Variants in VPS13C observed in about 807,000 individuals in gnomAD.
VPS13C encodes intermembrane lipid transfer protein VPS13C.
Under a neutral mutation model 456.8 loss-of-function variants are expected in VPS13C, and 358 were observed. The ratio of observed to expected loss-of-function variants is 0.78; its 90% CI spans 0.72 to 0.86. The LOEUF (loss-of-function observed/expected upper bound fraction) is 0.86. Among genes scored for constraint, VPS13C ranks in the 40% least tolerant of loss-of-function variants. VPS13C has a pLI of 0.00. For missense variants in VPS13C, 4,818 were observed against 4,385.4 expected (o/e 1.10, Z -2.79); for synonymous variants, 1,578 against 1,486.7 (o/e 1.06, Z -1.41).
rs2044818705 is a variant in VPS13C, at chr15:61,952,080, TTC to T, written c.4300-102_4300-101del. 7 of 1,380,082 alleles carry T rather than the reference TTC, an allele frequency of 5.1e-6. No homozygotes were observed. The South Asian group carries it at 8.6e-5, about 17-fold the overall frequency. The allele number at this position is 1,380,082 out of a possible 1,614,324, so 85.5% of individuals were successfully genotyped here. A position where few individuals can be genotyped will look rare whatever the true frequency, so the allele number is the denominator to read the frequency against. ...TATCCAGAGTGATATAAGGAAGAAATTCACACAATGTTAAGATGTGTACTTCT... is the reference window on the plus strand; with the variant it reads ...TATCCAGAGTGATATAAGGAAGAAATACACAATGTTAAGATGTGTACTTCT... On this transcript the variant is annotated intron_variant, in intron 38 of 84. Coordinates refer to ENST00000644861, the MANE Select transcript of VPS13C (RefSeq NM_020821.3).
At chr15:61,854,818 T>TA in intron 84 of VPS13C, 53 bp downstream of exon 84, 1 of 1,502,578 alleles carries the variant, frequency 6.7e-7, no homozygotes, top group East Asian at 2.3e-5. Context: ...AAGAGGCTTT[T>TA]AAAAAAGTAT....
At chr15:62,046,941 T>G (rs2048423597) in intron 1 of VPS13C, among the ~76,000 whole-genome samples, 1 of 152,172 alleles carries the variant, frequency 6.6e-6, no homozygotes, top group Admixed American at 6.5e-5. Context: ...GCTTTTTTAT[T>G]GATGTTTTTC....
intron 69 of VPS13C, among the ~76,000 whole-genome samples, chr15:61,882,368 A>C (rs1279505349): frequency 6.6e-6 from 1 of 152,150 alleles, no homozygotes; most frequent in East Asian, 1.9e-4. Flanking sequence ...TAACAATCTC[A>C]GTGCAAGAAA....
chr15:62,004,715 G>A lies in VPS13C; in HGVS notation c.1290+2593C>T, dbSNP rs576113565. Among the ~76,000 whole-genome samples the A allele has an allele frequency of 7.4e-3, 1,115 of 151,310 alleles. 16 individuals are homozygous for A. Among genetic ancestry groups the A allele is most frequent in the African/African-American group, 0.026 (1,065 of 41,098 alleles). ...GAATGTGTCCCAGAGATTCTGGTAT[G>A]TTGTGTCTTTGTTCTCGTTGGTTTC... On this transcript the variant is annotated intron_variant, in intron 15 of 84. Coordinates refer to ENST00000644861, the MANE Select transcript of VPS13C (RefSeq NM_020821.3).
Position 61,925,543 on chromosome 15 carries a change from C to G in VPS13C, c.6522G>C (p.Leu2174Phe), listed in dbSNP as rs754132978. Residue 2174 changes from leucine to phenylalanine, a missense_variant, in exon 53 of 85, where the codon TTG becomes TTC. By Grantham distance (22) the Leu-to-Phe change is conservative. This residue lies in a region of VPS13C where 4,552 missense variants were observed against 4,130.6 expected (regional missense o/e 1.10). Transcript: ENST00000644861. The stretch of plus-strand genomic sequence containing the variant: ...TTTCCATAAATAAAGAACAGGGCTG[C>G]AAGACCTATAAACAGATAAATGAAA... ...EKRGKNITTV[L>F]QPCSLFMEKC... 3.8e-6 allele frequency: 6 copies of G among 1,596,468 alleles called. No individual in the cohort carries two copies. Among genetic ancestry groups the G allele is most frequent in the Admixed American group, 1.7e-5 (1 of 57,394 alleles).
At chr15:61,925,684 A>G (rs1270219731) in intron 52 of VPS13C, 136 bp from the exon 53 acceptor site, 1 of 496,526 alleles carries the variant, frequency 2.0e-6, no homozygotes, top group East Asian at 3.6e-5. Context: ...AAAAGCAAAA[A>G]TAAATTAGCT....
chr15:61,934,450 T>C lies in VPS13C; in HGVS notation c.5756-119A>G, dbSNP rs369111525. 7 of 498,350 alleles carry C rather than the reference T, an allele frequency of 1.4e-5. No homozygotes were observed. In the South Asian group the frequency reaches 2.0e-4, roughly 14 times the overall value. The allele number at this position is 498,350 out of a possible 1,614,324, so 30.9% of individuals were successfully genotyped here. The stretch of plus-strand genomic sequence containing the variant: ...GCTTTCTGGGATTCTGTAAATCATA[T>C]TGAGACAATTAATAAAAATGGCAAT... On this transcript the variant is annotated intron_variant, in intron 48 of 84. Coordinates refer to ENST00000644861, the MANE Select transcript of VPS13C (RefSeq NM_020821.3).
In VPS13C at chr15:61,983,957, C is replaced by T. The variant is rs1596421622; in HGVS notation, c.1777G>A (p.Val593Met). Residue 593 changes from valine to methionine, a missense_variant, in exon 20 of 85, where the codon GTG becomes ATG. Transcript: ENST00000644861. Reference sequence around the variant, plus strand: ...CCAATTGAAGCCACAAGTGATGGCACAATATCCTGCTGTCTCAAACCTGTT... The same window carrying T: ...CCAATTGAAGCCACAAGTGATGGCATAATATCCTGCTGTCTCAAACCTGTT... Reference protein sequence around the residue: ...YITGLRQQDIVPSLVASIGDT... With the variant: ...YITGLRQQDIMPSLVASIGDT... The T allele has an allele frequency of 6.2e-7, 1 of 1,614,120 alleles. No individual in the cohort carries two copies. The highest frequency in any genetic ancestry group is 8.5e-7 in the Non-Finnish European group (1 of 1,180,020).
chr15:61,955,101 G>C (rs1257761121), intron 37 of VPS13C, among the ~76,000 whole-genome samples: 1 of 152,142 alleles, frequency 6.6e-6, no homozygotes, highest in Non-Finnish European at 1.5e-5. Context: ...TTATGATGCT[G>C]TGTTTCTGAA....
intron 1 of VPS13C, among the ~76,000 whole-genome samples, chr15:62,046,160 G>C (rs1240096537): frequency 6.6e-6 from 1 of 152,132 alleles, no homozygotes; most frequent in Admixed American, 6.6e-5. Context: ...AAATACTATA[G>C]TATATAGTAG....
chr15:61,881,432 A>G, intron 71 of VPS13C, 131 bp downstream of exon 71: 1 of 884,754 alleles, frequency 1.1e-6, no homozygotes, highest in Non-Finnish European at 1.6e-6. Context: ...TACTTGACCA[A>G]AAGTGAATTA....
chr15:61,913,198 T>C, intron 62 of VPS13C, 113 bp downstream of exon 62: 1 of 931,286 alleles, frequency 1.1e-6, no homozygotes, highest in African/African-American at 1.6e-5. Context: ...CCCAAAGGAC[T>C]ATAAATCATG....
At position 62,034,397 on chromosome 15, in the gene VPS13C, ACTTTT is replaced by A. The variant is rs564059410; in HGVS notation, c.283+555_283+559del. On this transcript the variant is annotated intron_variant, in intron 4 of 84. Transcript: ENST00000644861. Reference sequence around the variant, plus strand: ...AGTAATTTTTCCCTAAAACATCCAAACTTTTCTTAACATTATATTGTTCTTATAAG... The same window carrying A: ...AGTAATTTTTCCCTAAAACATCCAAACTTAACATTATATTGTTCTTATAAG... Among the ~76,000 whole-genome samples, 731 of 151,762 alleles carry A rather than the reference ACTTTT, an allele frequency of 4.8e-3. 5 individuals are homozygous for A. The highest frequency in any genetic ancestry group is 7.3e-3 in the Non-Finnish European group (496 of 67,676).
chr15:61,985,871 C>T (rs11631273), intron 18 of VPS13C, among the ~76,000 whole-genome samples: 8,767 of 152,074 alleles, frequency 0.058, 313 homozygotes, highest in Non-Finnish European at 0.08. Context: ...AGCCTAGAGG[C>T]TGTGAAGCTA....
intron 82 of VPS13C, among the ~76,000 whole-genome samples, chr15:61,862,441 A>C (rs1232934430): frequency 1.3e-5 from 2 of 152,184 alleles, no homozygotes; most frequent in Non-Finnish European, 2.9e-5. Flanking sequence ...TTACCAAAAA[A>C]ACCCCAAATT....
At chr15:62,012,203 C>G in intron 11 of VPS13C, 39 bp from the exon 12 acceptor site, 1 of 1,119,238 alleles carries the variant, frequency 8.9e-7, no homozygotes, top group Non-Finnish European at 1.3e-6. Context: ...AAAGAAAATG[C>G]ACACATATTC....
chr15:62,054,115 G>A (rs577937188), intron 1 of VPS13C, among the ~76,000 whole-genome samples: 56 of 152,304 alleles, frequency 3.7e-4, no homozygotes, highest in African/African-American at 1.3e-3. Context: ...TGCAAAAGAT[G>A]AGGCATTTCA....
At chr15:61,910,350 T>C (rs1232840977) in intron 63 of VPS13C, 45 bp from the exon 64 acceptor site, 4 of 1,328,736 alleles carry the variant, frequency 3.0e-6, no homozygotes, top group Non-Finnish European at 2.9e-6. Flanking sequence ...AATACCGTTA[T>C]ATAATAAATA....
At chr15:62,021,627 C>T (rs1360386572) in intron 8 of VPS13C, among the ~76,000 whole-genome samples, 1 of 151,894 alleles carries the variant, frequency 6.6e-6, no homozygotes. Flanking sequence ...AATCATCCAA[C>T]TGGGACTCCA....
Sources: allele counts gnomAD v4.1 joint callset (sites outside exome capture counted in the v4.1 genomes callset), GRCh38; gene constraint gnomAD v4.1.1; regional missense constraint gnomAD v4.1.1; transcripts MANE v1.5; gene names NCBI Gene and HGNC (gene_info 2026-07-23, HGNC 2026-07-21).